Variants in YWHAE observed in about 807,000 individuals in gnomAD.
YWHAE encodes the protein tyrosine 3-monooxygenase/tryptophan 5-monooxygenase activation protein epsilon, also known as 14-3-3 protein epsilon.
A neutral mutation model predicts 30.1 loss-of-function variants in YWHAE; 4 were observed. The observed-to-expected ratio is 0.13, with a 90% confidence interval of 0.07 to 0.30. The LOEUF is 0.30. Ranked by LOEUF, YWHAE falls within the 10% of genes least tolerant of loss-of-function variation. YWHAE has a pLI of 1.00. For missense variants in YWHAE, 121 were observed against 315.9 expected, an observed-to-expected ratio of 0.38 and a Z score of 4.68; for synonymous variants, 118 against 111.8, an observed-to-expected ratio of 1.06 and a Z score of -0.35.
intron 4 of YWHAE, among the ~76,000 whole-genome samples, chr17:1,358,723 G>A (rs1265371255): frequency 1.1e-4 from 16 of 150,170 alleles, no homozygotes; most frequent in Non-Finnish European, 1.3e-4. Flanking sequence ...CCAGCTACTT[G>A]AGAGGCTGAA....
At chr17:1,370,659 G>A (rs2073026614) in intron 1 of YWHAE, among the ~76,000 whole-genome samples, 3 of 152,044 alleles carry the variant, frequency 2.0e-5, no homozygotes, top group Non-Finnish European at 4.4e-5. Flanking sequence ...TTAAACTCCT[G>A]ACCTCAGGTG....
chr17:1,356,696 C>T (rs531353455), intron 4 of YWHAE, among the ~76,000 whole-genome samples: 5 of 151,970 alleles, frequency 3.3e-5, no homozygotes, highest in African/African-American at 7.2e-5. Context: ...CAGTGGCTCA[C>T]GCCTGTAATC....
At chr17:1,346,798 A>G (rs1309047331) in intron 5 of YWHAE, among the ~76,000 whole-genome samples, 1 of 151,868 alleles carries the variant, frequency 6.6e-6, no homozygotes, top group Non-Finnish European at 1.5e-5. Flanking sequence ...CATCCTGGCT[A>G]ACACAGTAAA....
intron 1 of YWHAE, among the ~76,000 whole-genome samples, chr17:1,367,000 G>A (rs563153342): frequency 5.0e-4 from 76 of 151,936 alleles, no homozygotes; most frequent in African/African-American, 1.8e-3. Context: ...TGTGCCTAAT[G>A]TATCCAGGAA....
intron 1 of YWHAE, among the ~76,000 whole-genome samples, chr17:1,384,322 G>A (rs1451629075): frequency 1.5e-5 from 2 of 130,776 alleles, no homozygotes; most frequent in African/African-American, 2.9e-5. Flanking sequence ...GCTGCAGTGA[G>A]GTGTGTCTGC....
intron 1 of YWHAE, among the ~76,000 whole-genome samples, chr17:1,395,815 G>A (rs1199865485): frequency 6.6e-6 from 1 of 152,178 alleles, no homozygotes; most frequent in East Asian, 1.9e-4. Context: ...ATGAGGATCT[G>A]GTGTTTTAAA....
chr17:1,388,769 A>G (rs1277989027), intron 1 of YWHAE, among the ~76,000 whole-genome samples: 1 of 152,148 alleles, frequency 6.6e-6, no homozygotes, highest in Non-Finnish European at 1.5e-5. Context: ...TAAGTAGTAT[A>G]TTCTGCATTA....
intron 5 of YWHAE, among the ~76,000 whole-genome samples, chr17:1,349,144 C>T (rs1376974604): frequency 1.3e-5 from 2 of 152,024 alleles, no homozygotes; most frequent in Non-Finnish European, 2.9e-5. Context: ...AGATTGAGAC[C>T]ATCCGGGCTA....
chr17:1,347,789 T>C (rs745563739), intron 5 of YWHAE, among the ~76,000 whole-genome samples: 1 of 152,202 alleles, frequency 6.6e-6, no homozygotes, highest in Non-Finnish European at 1.5e-5. Context: ...CACTGTCATA[T>C]ACATCACATC....
At chr17:1,354,406 G>A in intron 4 of YWHAE, 59 bp from the exon 5 acceptor site, 4 of 1,509,706 alleles carry the variant, frequency 2.6e-6, no homozygotes, top group Non-Finnish European at 3.6e-6. Context: ...AATTAGAAAT[G>A]ACATGCTAGA....
intron 5 of YWHAE, among the ~76,000 whole-genome samples, chr17:1,351,087 G>A (rs1305025171): frequency 2.0e-5 from 3 of 151,678 alleles, no homozygotes; most frequent in Admixed American, 6.6e-5. Context: ...TCAGCCAGGC[G>A]CGGTGGCTCA....
intron 5 of YWHAE, among the ~76,000 whole-genome samples, chr17:1,346,868 G>T (rs1161738028): frequency 6.6e-6 from 1 of 151,458 alleles, no homozygotes; most frequent in South Asian, 2.1e-4. Flanking sequence ...GCACATGCCT[G>T]TAATCCCAGC....
chr17:1,349,450 A>G (rs1159811679), intron 5 of YWHAE, among the ~76,000 whole-genome samples: 1 of 152,238 alleles, frequency 6.6e-6, no homozygotes, highest in African/African-American at 2.4e-5. Context: ...GAATGTCAAC[A>G]GACCACCTGA....
At chr17:1,398,702 A>T (rs911144466) in intron 1 of YWHAE, 12 of 152,164 alleles carry the variant, frequency 7.9e-5, no homozygotes, top group African/African-American at 2.9e-4. Flanking sequence ...GCACAATTAT[A>T]AATGTGTGGG....
At chr17:1,378,942 T>A (rs533676850) in intron 1 of YWHAE, among the ~76,000 whole-genome samples, 212 of 145,158 alleles carry the variant, frequency 1.5e-3, no homozygotes, top group Non-Finnish European at 2.5e-3. Flanking sequence ...AGAGCAAAAC[T>A]CTGTCTCAAA....
chr17:1,374,468 C>G (rs1406445328), intron 1 of YWHAE, among the ~76,000 whole-genome samples: 1 of 152,266 alleles, frequency 6.6e-6, no homozygotes, highest in South Asian at 2.1e-4. Context: ...CTAGAAGGAA[C>G]TTCAGGATCA....
At chr17:1,348,226 G>A (rs181424115) in intron 5 of YWHAE, among the ~76,000 whole-genome samples, 2 of 152,124 alleles carry the variant, frequency 1.3e-5, no homozygotes, top group African/African-American at 4.8e-5. Context: ...CAGATATTAG[G>A]GGAAAAAGGA....
At chr17:1,382,651 C>G (rs886985842) in intron 1 of YWHAE, among the ~76,000 whole-genome samples, 10 of 152,114 alleles carry the variant, frequency 6.6e-5, no homozygotes, top group African/African-American at 2.4e-4. Flanking sequence ...TGAGCCACCA[C>G]GCCTGGCCAG....
At chr17:1,397,122 C>A (rs560272206) in intron 1 of YWHAE, among the ~76,000 whole-genome samples, 1 of 152,226 alleles carries the variant, frequency 6.6e-6, no homozygotes, top group East Asian at 1.9e-4. Flanking sequence ...TGGTCTTGAA[C>A]TCCCGACCTC....
Sources: allele counts gnomAD v4.1 joint callset (sites outside exome capture counted in the v4.1 genomes callset), GRCh38; gene constraint gnomAD v4.1.1; transcripts MANE v1.5; gene names NCBI Gene and HGNC (gene_info 2026-07-23, HGNC 2026-07-21).